The following SMOC1 variants were observed in gnomAD, a reference collection of about 807,000 sequenced individuals.
SMOC1 encodes SPARC-related modular calcium-binding protein 1.
In SMOC1, 22 loss-of-function variants were observed where a neutral mutation model predicts 56.3. The observed-to-expected ratio is 0.39, with a 90% CI of 0.28 to 0.56. The LOEUF (loss-of-function observed/expected upper bound fraction) is 0.56, where lower values mean the gene tolerates loss of function less well. Ranked by LOEUF, SMOC1 falls within the 20% of genes least tolerant of loss-of-function variation. The pLI, the probability that SMOC1 is intolerant of heterozygous loss-of-function variation, is 0.61. For synonymous variants in SMOC1, 193 were observed against 215.0 expected (o/e 0.90, Z 0.89); for missense variants, 509 against 565.4 (o/e 0.90, Z 1.01).
chr14:70,010,837 G>C lies in SMOC1; in HGVS notation c.748G>C (p.Glu250Gln). ...QNPREGIVIP[E>Q]CAPGGLYKPV... ...TCCCCGTGAGGGTATTGTCATCCCT[G>C]AATGTGCCCCTGGGGGACTCTATAA... is the stretch of plus-strand genomic sequence containing the variant. The change falls in exon 8 of 12, where the codon GAA (glutamate) becomes CAA (glutamine). Residue 250 changes from glutamate (E) to glutamine (Q), a missense_variant. Physicochemically the swap from Glu to Gln is conservative, Grantham distance 29. This residue lies in a region of SMOC1 where 315 missense variants were observed against 333.1 expected (regional missense o/e 0.95). Transcript: ENST00000361956. The C allele has an allele frequency of 6.2e-7, 1 of 1,614,234 alleles. No individual in the cohort carries two copies. Among genetic ancestry groups the C allele is most frequent in the East Asian group, 2.2e-5 (1 of 44,888 alleles).
chr14:69,991,813 T>G (rs1884577561), intron 5 of SMOC1, among the ~76,000 whole-genome samples: 1 of 152,220 alleles, frequency 6.6e-6, no homozygotes, highest in South Asian at 2.1e-4. Context: ...TTCTAATGAT[T>G]CCTGATTCTC....
At chr14:69,925,367 G>C (rs1005574007) in intron 1 of SMOC1, among the ~76,000 whole-genome samples, 8 of 151,930 alleles carry the variant, frequency 5.3e-5, no homozygotes, top group South Asian at 2.1e-4. Flanking sequence ...GCTCTTGAGG[G>C]GAGGAACCAT....
intron 1 of SMOC1, among the ~76,000 whole-genome samples, chr14:69,914,602 A>AAACG (rs1884635962): frequency 6.6e-6 from 1 of 152,164 alleles, no homozygotes; most frequent in African/African-American, 2.4e-5. Context: ...ACAAACAAAC[A>AAACG]AACACAAAGC....
intron 3 of SMOC1, 127 bp downstream of exon 3, chr14:69,953,659 T>C (rs898633600): frequency 2.5e-6 from 2 of 788,902 alleles, no homozygotes; most frequent in Non-Finnish European, 4.4e-6. Flanking sequence ...GCTCTTCAAC[T>C]CCCCTCTGTG....
intron 5 of SMOC1, among the ~76,000 whole-genome samples, chr14:69,986,357 C>T (rs963839741): frequency 6.6e-6 from 1 of 152,028 alleles, no homozygotes; most frequent in Admixed American, 6.6e-5. Flanking sequence ...TGAGTCTACA[C>T]GTGGATAAAA....
At chr14:69,909,068 A>T (rs561311751) in intron 1 of SMOC1, among the ~76,000 whole-genome samples, 1 of 152,178 alleles carries the variant, frequency 6.6e-6, no homozygotes, top group East Asian at 1.9e-4. Flanking sequence ...CCACTAGACT[A>T]TGGGTGGACT....
intron 6 of SMOC1, among the ~76,000 whole-genome samples, chr14:69,992,723 C>G (rs1297667197): frequency 1.3e-5 from 2 of 152,226 alleles, no homozygotes; most frequent in Non-Finnish European, 2.9e-5. Context: ...TGGTGTCCAA[C>G]AATAACACAG....
chr14:69,920,219 CCTT>C (rs1884800742), intron 1 of SMOC1, among the ~76,000 whole-genome samples: 1 of 152,214 alleles, frequency 6.6e-6, no homozygotes, highest in Non-Finnish European at 1.5e-5. Context: ...GTAGAAAACT[CCTT>C]CTGTGATCTC....
intron 1 of SMOC1, among the ~76,000 whole-genome samples, chr14:69,899,276 A>G (rs1158012734): frequency 6.6e-6 from 1 of 152,102 alleles, no homozygotes; most frequent in East Asian, 1.9e-4. Flanking sequence ...TTCATGTTCA[A>G]TTGTAATCCC....
chr14:69,903,031 A>G (rs376369031), intron 1 of SMOC1, among the ~76,000 whole-genome samples: 1 of 151,906 alleles, frequency 6.6e-6, no homozygotes, highest in Non-Finnish European at 1.5e-5. Flanking sequence ...GCCTCTGCCC[A>G]GCCGCCACCC....
chr14:69,945,833 T>G (rs181482606), intron 1 of SMOC1, among the ~76,000 whole-genome samples: 2 of 152,294 alleles, frequency 1.3e-5, no homozygotes, highest in East Asian at 3.9e-4. Context: ...CTCTCCCAAA[T>G]CCAGTGGATA....
At chr14:69,959,729 G>T (rs1054718633) in intron 3 of SMOC1, among the ~76,000 whole-genome samples, 2 of 151,964 alleles carry the variant, frequency 1.3e-5, no homozygotes, top group African/African-American at 4.8e-5. Flanking sequence ...TGGATCTCTT[G>T]CATATAGGGA....
intron 1 of SMOC1, among the ~76,000 whole-genome samples, chr14:69,930,959 C>A (rs1298584588): frequency 6.6e-6 from 1 of 152,224 alleles, no homozygotes; most frequent in Non-Finnish European, 1.5e-5. Context: ...GTCAACACCT[C>A]ATGCTTGCAT....
chr14:69,939,751 C>A (rs1329549764), intron 1 of SMOC1, among the ~76,000 whole-genome samples: 3 of 152,182 alleles, frequency 2.0e-5, no homozygotes, highest in Non-Finnish European at 4.4e-5. Context: ...GACTCTAAGA[C>A]CCTCATCTGC....
intron 1 of SMOC1, among the ~76,000 whole-genome samples, chr14:69,917,090 T>C (rs1449590620): frequency 6.6e-6 from 1 of 152,262 alleles, no homozygotes; most frequent in Non-Finnish European, 1.5e-5. Flanking sequence ...GGACAGATAA[T>C]GATATTTGAT....
At chr14:69,933,007 C>T (rs1195404540) in intron 1 of SMOC1, among the ~76,000 whole-genome samples, 1 of 152,054 alleles carries the variant, frequency 6.6e-6, no homozygotes, top group Admixed American at 6.6e-5. Context: ...GAGGCCAGAC[C>T]ACTGAGAGAG....
At chr14:69,914,824 G>C (rs1884642353) in intron 1 of SMOC1, among the ~76,000 whole-genome samples, 1 of 152,148 alleles carries the variant, frequency 6.6e-6, no homozygotes, top group Non-Finnish European at 1.5e-5. Flanking sequence ...CTTCTGGTGT[G>C]CTGGAAGACT....
chr14:69,971,477 A>C (rs1199748077), intron 3 of SMOC1, among the ~76,000 whole-genome samples: 1 of 152,154 alleles, frequency 6.6e-6, no homozygotes, highest in African/African-American at 2.4e-5. Flanking sequence ...AGCAGATTTC[A>C]CTGTTTGTAT....
Position 69,971,042 on chromosome 14 carries a change from G to A in SMOC1, c.379-4673G>A, listed in dbSNP as rs114188816. 2.5e-3 allele frequency among the ~76,000 whole-genome samples: 383 copies of A among 152,070 alleles called. 4 individuals carry two copies. Among genetic ancestry groups the A allele is most frequent in the African/African-American group, 8.8e-3 (365 of 41,494 alleles). ...TAGTTACATTCTTTTTTTTGGAGAC[G>A]GAATCTCACTTTATTGCCCAGGCTA... On this transcript the variant is annotated intron_variant, in intron 3 of 11. Transcript: ENST00000361956.
Sources: allele counts gnomAD v4.1 joint callset (sites outside exome capture counted in the v4.1 genomes callset), GRCh38; gene constraint gnomAD v4.1.1; regional missense constraint gnomAD v4.1.1; transcripts MANE v1.5; gene names NCBI Gene and HGNC (gene_info 2026-07-23, HGNC 2026-07-21).